Variants in PCLO observed in about 807,000 individuals in gnomAD.
PCLO encodes piccolo presynaptic cytomatrix protein, also known as protein piccolo.
A neutral mutation model predicts 427.5 loss-of-function variants in PCLO; 82 were observed. That is an observed-to-expected ratio of 0.19 (90% CI 0.16 to 0.23). PCLO has a LOEUF of 0.23. PCLO is among the 10% of genes least tolerant of loss of function. The pLI is 1.00. For synonymous variants in PCLO, 2,357 were observed against 2,155.4 expected, an observed-to-expected ratio of 1.09 and a Z score of -2.59; for missense variants, 6,239 against 6,115.9, an observed-to-expected ratio of 1.02 and a Z score of -0.67.
intron 3 of PCLO, among the ~76,000 whole-genome samples, chr7:83,070,692 T>C (rs1789792437): frequency 6.6e-6 from 1 of 152,166 alleles, no homozygotes; most frequent in Non-Finnish European, 1.5e-5. Context: ...CAGCATTTTG[T>C]GGTATTTTTA....
chr7:82,795,002 T>C (rs1203105514), intron 22 of PCLO, among the ~76,000 whole-genome samples: 1 of 152,160 alleles, frequency 6.6e-6, no homozygotes, highest in Non-Finnish European at 1.5e-5. Flanking sequence ...TATGGCTTCT[T>C]ATCTTGCTTA....
At chr7:82,927,760 C>A (rs1794746928) in intron 6 of PCLO, among the ~76,000 whole-genome samples, 1 of 152,120 alleles carries the variant, frequency 6.6e-6, no homozygotes, top group Non-Finnish European at 1.5e-5. Flanking sequence ...GTTTACTAGG[C>A]ACTTATATTG....
chr7:83,029,846 T>C lies in PCLO; in HGVS notation c.3301-63359A>G, dbSNP rs1244435361. Among the ~76,000 whole-genome samples the C allele has an allele frequency of 2.7e-5, 4 of 145,538 alleles. No homozygotes were observed. In the Admixed American group the frequency reaches 2.8e-4, roughly 10 times the overall value. Reference sequence around the variant, plus strand: ...TGAAATTGGAAATCATCATTCTCAGTAAACTATCGCAAGAACAAAAAACCA... The same window carrying C: ...TGAAATTGGAAATCATCATTCTCAGCAAACTATCGCAAGAACAAAAAACCA... On this transcript the variant is annotated intron_variant, in intron 3 of 24. Coordinates refer to ENST00000333891, the MANE Select transcript of PCLO (RefSeq NM_033026.6).
chr7:82,955,156 C>G lies in PCLO; in HGVS notation c.5797G>C (p.Ala1933Pro), dbSNP rs754462337. The G allele has an allele frequency of 2.5e-6, 4 of 1,613,790 alleles. No homozygotes were observed. The highest frequency in any genetic ancestry group is 2.2e-5 in the South Asian group (2 of 91,076). ...AACACTTCATCTCGTTCATTTGCAG[C>G]TGGAAAAGCTTTGTATTTGTGTGTT... ...HKTHKYKAFPAANERDEVFEK... is the reference protein window; with the variant it reads ...HKTHKYKAFPPANERDEVFEK... The change falls in exon 5 of 25, where the codon GCT (alanine) becomes CCT (proline). Residue 1933 changes from alanine to proline, a missense_variant. Physicochemically the swap from Ala to Pro is conservative, Grantham distance 27 (BLOSUM62 -1). This residue lies in a region of PCLO where 4,677 missense variants were observed against 4,468.4 expected (regional missense o/e 1.05). Coordinates refer to ENST00000333891, the MANE Select transcript of PCLO (RefSeq NM_033026.6).
At chr7:82,788,310 T>C (rs1791027090) in intron 22 of PCLO, among the ~76,000 whole-genome samples, 1 of 148,722 alleles carries the variant, frequency 6.7e-6, no homozygotes, top group Non-Finnish European at 1.5e-5. Context: ...TGATTTAAAC[T>C]TAATAATCTG....
intron 2 of PCLO, among the ~76,000 whole-genome samples, chr7:83,152,404 AG>A (rs1792162232): frequency 6.6e-6 from 1 of 152,238 alleles, no homozygotes; most frequent in Non-Finnish European, 1.5e-5. Context: ...CTTTGTAACT[AG>A]GCATTTGATA....
intron 22 of PCLO, among the ~76,000 whole-genome samples, chr7:82,780,038 C>T (rs1300885369): frequency 2.6e-5 from 4 of 152,136 alleles, no homozygotes; most frequent in Non-Finnish European, 5.9e-5. Context: ...TCCTTACCAT[C>T]CAGTTATTGT....
Position 83,138,180 on chromosome 7 carries a change from G to A in PCLO, c.1894-2524C>T, listed in dbSNP as rs144286588. Among the ~76,000 whole-genome samples, 37 of 152,148 alleles carry A rather than the reference G, an allele frequency of 2.4e-4. No homozygotes were observed. In the East Asian group the frequency reaches 4.6e-3, roughly 19 times the overall value. On this transcript the variant is annotated intron_variant, in intron 2 of 24. Transcript: ENST00000333891. ...CTTTTTTCTATAAAATACCTATTACGTGCAAGATCTGTATCCACATTAACT... is the reference window on the plus strand; with the variant it reads ...CTTTTTTCTATAAAATACCTATTACATGCAAGATCTGTATCCACATTAACT...
intron 22 of PCLO, among the ~76,000 whole-genome samples, chr7:82,781,069 T>C (rs988484460): frequency 6.6e-6 from 1 of 151,672 alleles, no homozygotes; most frequent in African/African-American, 2.4e-5. Flanking sequence ...CTAATAAATA[T>C]TCAACAAATA....
chr7:82,956,700 G>C lies in PCLO; in HGVS notation c.4253C>G (p.Ser1418Cys), dbSNP rs748216939. The C allele has an allele frequency of 9.2e-5, 148 of 1,613,584 alleles. No homozygotes were observed. Among genetic ancestry groups the C allele is most frequent in the Non-Finnish European group, 1.2e-4 (144 of 1,179,720 alleles). ...TGTACTTGCTTGAGCTTCCAAAATA[G>C]ATAGGACTGTACTTTCTAACTTAGC... ...DLAKLESTVL[S>C]ILEAQASTLA... is the part of the protein sequence containing the mutation. The change falls in exon 5 of 25, where the codon TCT (serine) becomes TGT (cysteine). Residue 1418 changes from serine to cysteine, a missense_variant. Transcript: ENST00000333891.
chr7:83,100,509 A>T (rs532382434), intron 3 of PCLO, among the ~76,000 whole-genome samples: 1 of 152,312 alleles, frequency 6.6e-6, no homozygotes, highest in Admixed American at 6.5e-5. Context: ...TTGCTGGGAT[A>T]TGGGTGGAGC....
intron 3 of PCLO, among the ~76,000 whole-genome samples, chr7:83,051,210 G>C (rs949585080): frequency 2.0e-5 from 3 of 151,906 alleles, no homozygotes; most frequent in Non-Finnish European, 4.4e-5. Context: ...AAAATTCTTA[G>C]CTAATGCAAT....
chr7:82,946,178 G>GTCTTGTTGGACA (rs1237834988), intron 6 of PCLO, among the ~76,000 whole-genome samples: 1 of 152,190 alleles, frequency 6.6e-6, no homozygotes, highest in African/African-American at 2.4e-5. Context: ...GACTTGCTAA[G>GTCTTGTTGGACA]ATTTCATTGT....
intron 11 of PCLO, 53 bp from the exon 12 acceptor site, chr7:82,846,687 G>C: frequency 7.8e-7 from 1 of 1,276,226 alleles, no homozygotes. Context: ...CTGAGACAAA[G>C]AGCACTTTTT....
chr7:82,838,651 A>G (rs1294585872), intron 14 of PCLO, among the ~76,000 whole-genome samples: 1 of 151,972 alleles, frequency 6.6e-6, no homozygotes, highest in Non-Finnish European at 1.5e-5. Flanking sequence ...TGCTACTCTT[A>G]GGAAAATAGT....
intron 2 of PCLO, among the ~76,000 whole-genome samples, chr7:83,138,546 A>G (rs1424409282): frequency 2.0e-5 from 3 of 152,096 alleles, no homozygotes; most frequent in Non-Finnish European, 4.4e-5. Context: ...CTGCAGTCCC[A>G]GCCATTTGGG....
In PCLO at chr7:82,755,789, G is replaced by T. The variant is rs936486095; in HGVS notation, c.*2786C>A. 1 of 152,070 alleles carries T rather than the reference G, an allele frequency of 6.6e-6. No individual in the cohort carries two copies. The highest frequency in any genetic ancestry group is 1.5e-5 in the Non-Finnish European group (1 of 67,996). 9.4% of individuals were successfully genotyped at this position (152,070 alleles called of 1,614,324 possible). On this transcript the variant is annotated 3_prime_UTR_variant, in exon 25 of 25. Coordinates refer to ENST00000333891, the MANE Select transcript of PCLO (RefSeq NM_033026.6). ...AAAGAAACAGTTTTGTTGTAAGAAGGGTAGTCAACATCATTCAGAAGAAAC... is the reference window on the plus strand; with the variant it reads ...AAAGAAACAGTTTTGTTGTAAGAAGTGTAGTCAACATCATTCAGAAGAAAC...
At chr7:83,087,953 A>C (rs78448959) in intron 3 of PCLO, among the ~76,000 whole-genome samples, 2,263 of 152,324 alleles carry the variant, frequency 0.015, 73 homozygotes, top group African/African-American at 0.052. Context: ...GAATTGATTT[A>C]ACATTTAATT....
chr7:83,134,933 T>C lies in PCLO; in HGVS notation c.2617A>G (p.Lys873Glu). The C allele has an allele frequency of 6.2e-7, 1 of 1,606,618 alleles. No homozygotes were observed. The highest frequency in any genetic ancestry group is 8.5e-7 in the Non-Finnish European group (1 of 1,176,832). ...GGGCCAGGGGGTGTTGGTGACCCTT[T>C]TGGCATTGGCTTGGCATCTGGTTTA... ...SPKPDAKPMP[K>E]GSPTPPGPRP... Residue 873 changes from lysine (K) to glutamate (E), a missense_variant, in exon 3 of 25, where the codon AAA (lysine) becomes GAA (glutamate). Lys to Glu is a moderately conservative substitution (Grantham distance 56, BLOSUM62 1). Around this residue, in one of 5 missense-constraint regions of PCLO, gnomAD observed 4,677 missense variants for 4,468.4 expected, o/e 1.05. Transcript: ENST00000333891.
Sources: gnomAD v4.1 joint callset for allele counts (sites outside exome capture counted in the v4.1 genomes callset) on GRCh38, gnomAD v4.1.1 for gene constraint, gnomAD v4.1.1 regional missense constraint, MANE v1.5 for transcripts, NCBI Gene and HGNC (gene_info 2026-07-23, HGNC 2026-07-21) for gene names.